The following HMGCLL1 variants were observed in gnomAD, a reference collection of about 807,000 sequenced individuals.
The protein encoded by HMGCLL1 is 3-hydroxymethyl-3-methylglutaryl-CoA lyase, cytoplasmic.
Under a neutral mutation model 39.1 loss-of-function variants are expected in HMGCLL1, and 36 were observed. The ratio of observed to expected loss-of-function variants is 0.92; its 90% CI spans 0.71 to 1.22. The LOEUF (loss-of-function observed/expected upper bound fraction) is 1.22. Among genes scored for constraint, HMGCLL1 ranks in the 50% most tolerant of loss-of-function variants. The pLI, the probability that HMGCLL1 is intolerant of heterozygous loss-of-function variation, is 0.00. For synonymous variants in HMGCLL1, 149 were observed against 144.0 expected (o/e 1.03, Z -0.25); for missense variants, 451 against 416.5 (o/e 1.08, Z -0.72).
At position 55,446,527 on chromosome 6, in the gene HMGCLL1, T is replaced by C. The variant is rs912951707; in HGVS notation, c.796-6968A>G. Among the ~76,000 whole-genome samples the C allele has an allele frequency of 6.3e-4, 96 of 151,942 alleles. 1 individual carries two copies. Among genetic ancestry groups the C allele is most frequent in the Non-Finnish European group, 1.0e-4 (7 of 67,884 alleles). ...GGACCTAAGGCCAGAGAGAAATGAA[T>C]AAAATGTTAGTGGCAACTTTTTCTG... On this transcript the variant is annotated intron_variant, in intron 7 of 8. Transcript: ENST00000274901.
At chr6:55,497,631 C>T (rs905099083) in intron 6 of HMGCLL1, among the ~76,000 whole-genome samples, 1 of 152,034 alleles carries the variant, frequency 6.6e-6, no homozygotes, top group Non-Finnish European at 1.5e-5. Flanking sequence ...AACAAAGAAA[C>T]AGGATTCTAA....
At chr6:55,571,319 TG>T (rs1383630278) in intron 1 of HMGCLL1, among the ~76,000 whole-genome samples, 1 of 152,210 alleles carries the variant, frequency 6.6e-6, no homozygotes, top group Non-Finnish European at 1.5e-5. Flanking sequence ...TGAAGAATCA[TG>T]GTGTAACAAT....
At chr6:55,471,846 T>C (rs957704908) in intron 7 of HMGCLL1, among the ~76,000 whole-genome samples, 2 of 151,638 alleles carry the variant, frequency 1.3e-5, no homozygotes, top group African/African-American at 4.8e-5. Context: ...TCTCCCTTAT[T>C]ATCCTACTCC....
At chr6:55,483,951 T>G (rs1293287354) in intron 7 of HMGCLL1, among the ~76,000 whole-genome samples, 1 of 152,180 alleles carries the variant, frequency 6.6e-6, no homozygotes, top group African/African-American at 2.4e-5. Context: ...TGGATGAACA[T>G]TTTGTATTAG....
At chr6:55,516,893 C>G (rs1431012826) in intron 3 of HMGCLL1, among the ~76,000 whole-genome samples, 1 of 151,958 alleles carries the variant, frequency 6.6e-6, no homozygotes, top group Non-Finnish European at 1.5e-5. Context: ...TATTCCCTTC[C>G]TTTCATTTCA....
intron 4 of HMGCLL1, 78 bp from the exon 5 acceptor site, chr6:55,514,274 CT>C: frequency 9.3e-7 from 1 of 1,071,392 alleles, no homozygotes; most frequent in East Asian, 2.4e-5. Flanking sequence ...AGATTAACTA[CT>C]CTATGAAGGC....
chr6:55,504,527 T>C (rs1426697868), intron 5 of HMGCLL1, among the ~76,000 whole-genome samples: 2 of 151,758 alleles, frequency 1.3e-5, no homozygotes, highest in East Asian at 3.9e-4. Flanking sequence ...GACAGCACTT[T>C]GTTTAAAACA....
the HMGCLL1 span, among the ~76,000 whole-genome samples, chr6:55,666,945 T>TC: frequency 8.6e-5 from 13 of 151,718 alleles, no homozygotes; most frequent in East Asian, 2.0e-3. Flanking sequence ...TTTTTTTTTT[T>TC]CAAAAGTTTG....
chr6:55,476,789 T>C (rs1765307029), intron 7 of HMGCLL1, among the ~76,000 whole-genome samples: 1 of 151,466 alleles, frequency 6.6e-6, no homozygotes, highest in Non-Finnish European at 1.5e-5. Context: ...TACAGTGAAA[T>C]AGATTTGGCT....
chr6:55,543,188 A>AATATATTATATATTAT (rs1769626031), intron 1 of HMGCLL1, among the ~76,000 whole-genome samples: 1 of 7,344 alleles, frequency 1.4e-4, no homozygotes, highest in Admixed American at 4.2e-3. Flanking sequence ...TATAATATAT[A>AATATATTATATATTAT]ATATATTATA....
At chr6:55,589,567 G>T in the HMGCLL1 span, among the ~76,000 whole-genome samples, 1 of 152,120 alleles carries the variant, frequency 6.6e-6, no homozygotes, top group Non-Finnish European at 1.5e-5. Flanking sequence ...TTAGGCAGGG[G>T]AAGGAAATAA....
At chr6:55,605,428 T>A in the HMGCLL1 span, among the ~76,000 whole-genome samples, 1 of 152,218 alleles carries the variant, frequency 6.6e-6, no homozygotes, top group African/African-American at 2.4e-5. Context: ...TATTTCTGCA[T>A]AATAATTAAA....
At chr6:55,438,795 C>T (rs1177353898) in intron 8 of HMGCLL1, among the ~76,000 whole-genome samples, 2 of 152,050 alleles carry the variant, frequency 1.3e-5, no homozygotes, top group Non-Finnish European at 2.9e-5. Flanking sequence ...GTCTAATCAT[C>T]TGTGATTTTT....
At chr6:55,538,926 GA>G (rs1487571552) in intron 3 of HMGCLL1, among the ~76,000 whole-genome samples, 2 of 152,092 alleles carry the variant, frequency 1.3e-5, no homozygotes, top group Non-Finnish European at 2.9e-5. Flanking sequence ...CACCCTCTGT[GA>G]AAGGTGACAT....
chr6:55,448,207 T>G (rs1186910698), intron 7 of HMGCLL1, among the ~76,000 whole-genome samples: 1 of 151,908 alleles, frequency 6.6e-6, no homozygotes, highest in Non-Finnish European at 1.5e-5. Context: ...ATATTAACAG[T>G]GAAAATAAGT....
chr6:55,539,890 G>GAAAT (rs1182226167), intron 3 of HMGCLL1, among the ~76,000 whole-genome samples: 3 of 139,072 alleles, frequency 2.2e-5, no homozygotes, highest in Non-Finnish European at 4.7e-5. Context: ...AAGAAAGAAA[G>GAAAT]AAAGAAAGAA....
chr6:55,543,293 T>TATA (rs1201666842), intron 1 of HMGCLL1, among the ~76,000 whole-genome samples: 1 of 21,278 alleles, frequency 4.7e-5, no homozygotes, highest in African/African-American at 1.7e-4. Flanking sequence ...TAATATATTA[T>TATA]ATATCATATA....
chr6:55,631,425 C>G, the HMGCLL1 span, among the ~76,000 whole-genome samples: 1 of 152,036 alleles, frequency 6.6e-6, no homozygotes. Context: ...AACCCAGGAA[C>G]ATTTTCCCCA....
the HMGCLL1 span, among the ~76,000 whole-genome samples, chr6:55,654,137 C>T: frequency 6.6e-6 from 1 of 151,872 alleles, no homozygotes; most frequent in Non-Finnish European, 1.5e-5. Flanking sequence ...TCCTACCTTT[C>T]AGCGAAAGCC....
Sources: gnomAD v4.1 joint callset for allele counts (sites outside exome capture counted in the v4.1 genomes callset) on GRCh38, gnomAD v4.1.1 for gene constraint, MANE v1.5 for transcripts, NCBI Gene and HGNC (gene_info 2026-07-23, HGNC 2026-07-21) for gene names.